Variants in NECAB3 observed in about 807,000 individuals in gnomAD.
NECAB3 encodes N-terminal EF-hand calcium-binding protein 3.
NECAB3 carries 38 observed loss-of-function variants against 57.2 expected under a neutral mutation model. That is an observed-to-expected ratio of 0.66 (90% CI 0.51 to 0.87). The LOEUF is 0.87. NECAB3 is among the 40% of genes least tolerant of loss of function. The pLI, the probability that NECAB3 is intolerant of heterozygous loss-of-function variation, is 0.00. For missense variants in NECAB3, 474 were observed against 527.5 expected (o/e 0.90, Z 0.99); for synonymous variants, 223 against 222.6 (o/e 1.00, Z -0.02).
chr20:33,658,671 T>C (rs1350190178), intron 9 of NECAB3, 51 bp downstream of exon 9: 1 of 1,600,086 alleles, frequency 6.2e-7, no homozygotes, highest in Non-Finnish European at 8.6e-7. Context: ...AGCACCCCTC[T>C]CTGCTCACCC....
intron 3 of NECAB3, chr20:33,670,256 T>G: frequency 5.5e-6 from 1 of 181,514 alleles, no homozygotes; most frequent in Non-Finnish European, 1.2e-5. Flanking sequence ...GTAACAGCGG[T>G]TCATGCGTGT....
rs1432166966 is a variant in NECAB3 at position 33,668,461 on chromosome 20, A to G, written c.387+914T>C. The G allele has an allele frequency of 5.6e-6, 3 of 538,556 alleles. No individual in the cohort carries two copies. The Admixed American group carries it at 1.1e-4, about 20-fold the overall frequency. The allele number at this position is 538,556 out of a possible 1,614,324, so 33.4% of individuals were successfully genotyped here. A position where few individuals can be genotyped will look rare whatever the true frequency, so the allele number is the denominator to read the frequency against. The stretch of plus-strand genomic sequence containing the variant: ...CTGCCAGTTCAGAGAATGCCAGTCC[A>G]GCTGCCTACCCACAGGGCCCTACTT... On this transcript the variant is annotated intron_variant, in intron 5 of 11. Transcript: ENST00000246190.
In NECAB3 at chr20:33,659,747, C is replaced by G; in HGVS notation, c.644-15G>C. 2 of 1,572,898 alleles carry G rather than the reference C, an allele frequency of 1.3e-6. No homozygotes were observed. The highest frequency in any genetic ancestry group is 2.3e-5 in the South Asian group (2 of 87,664). On this transcript the variant is annotated splice_polypyrimidine_tract_variant and intron_variant, in intron 7 of 11. Transcript: ENST00000246190. ...TGAGCTGCGCCCTGTGTGTGGGGCC[C>G]GTGCAGGGTCAGGCAGGGGCCTCTC...
chr20:33,663,731 A>AGGGCGGGGCCAGGGCAGCTCT, intron 5 of NECAB3: 1 of 1,532,890 alleles, frequency 6.5e-7, no homozygotes, highest in Non-Finnish European at 8.7e-7. Context: ...CGGCCGGAAG[A>AGGGCGGGGCCAGGGCAGCTCT]GGGCGGGGCC....
At chr20:33,664,587 T>C in intron 5 of NECAB3, 1 of 152,798 alleles carries the variant, frequency 6.5e-6, no homozygotes. Flanking sequence ...GCTCATAAGC[T>C]TTCAACAGGT....
rs372863082 is a variant in NECAB3 at position 33,660,509 on chromosome 20, C to G, written c.388-114G>C. 4.0e-4 allele frequency: 562 copies of G among 1,399,382 alleles called. 8 individuals are homozygous for G. In the East Asian group the frequency reaches 0.011, roughly 26 times the overall value. 86.7% of individuals were successfully genotyped at this position (1,399,382 alleles called of 1,614,324 possible). A position where few individuals can be genotyped will look rare whatever the true frequency, so the allele number is the denominator to read the frequency against. ...GGTGGCAGTGCCAAGAGCAGGGGCACGCAAACCTGGCACAGGCAGGAGGGT... is the reference window on the plus strand; with the variant it reads ...GGTGGCAGTGCCAAGAGCAGGGGCAGGCAAACCTGGCACAGGCAGGAGGGT... On this transcript the variant is annotated intron_variant, in intron 5 of 11. Coordinates refer to ENST00000246190, the MANE Select transcript of NECAB3 (RefSeq NM_031232.4). This position sits in a 1 kb window ranked among gnomAD's most constrained non-coding sequence, Gnocchi z 4.1.
intron 9 of NECAB3, 70 bp downstream of exon 9, chr20:33,658,652 G>A (rs905322932): frequency 1.3e-6 from 2 of 1,594,466 alleles, no homozygotes; most frequent in African/African-American, 2.7e-5. Flanking sequence ...ACCCAGGATG[G>A]CCAGCCCCAG....
chr20:33,663,425 G>A (rs1428648209), intron 5 of NECAB3: 9 of 1,229,500 alleles, frequency 7.3e-6, no homozygotes, highest in Non-Finnish European at 9.9e-6. Context: ...CCGGGTGGAC[G>A]ACAGGACCCG....
At chr20:33,672,323 C>T in intron 2 of NECAB3, 75 bp downstream of exon 2, 2 of 1,576,036 alleles carry the variant, frequency 1.3e-6, no homozygotes, top group South Asian at 1.1e-5. Context: ...CCCACCCAAC[C>T]TCCCAACTCT....
At position 33,657,859 on chromosome 20, in the gene NECAB3, TGGGGGTCAGAGGCA is replaced by T; in HGVS notation, c.1163-16_1163-3del. The stretch of plus-strand genomic sequence containing the variant: ...TGTTATTCATTATCCACCAGGAGGC[TGGGGGTCAGAGGCA>T]GGGGGTCAGGAGCCCTCAGGAGCCC... On this transcript the variant is annotated splice_region_variant and splice_polypyrimidine_tract_variant and intron_variant, in intron 11 of 11. Coordinates refer to ENST00000246190, the MANE Select transcript of NECAB3 (RefSeq NM_031232.4). 6.5e-7 allele frequency: 1 copy of T among 1,543,808 alleles called. No homozygotes were observed. The highest frequency in any genetic ancestry group is 1.2e-5 in the South Asian group (1 of 83,236).
chr20:33,660,448 T>G lies in NECAB3; in HGVS notation c.388-53A>C. ...TCTCCCAGCCCGGGCACTGATCTCT[T>G]GAGTGGGTCCCCTGCCTCTTGCCCA... is the stretch of plus-strand genomic sequence containing the variant. On this transcript the variant is annotated intron_variant, in intron 5 of 11. Coordinates refer to ENST00000246190, the MANE Select transcript of NECAB3 (RefSeq NM_031232.4). This position sits in a 1 kb window ranked among gnomAD's most constrained non-coding sequence, Gnocchi z 4.1. 6.3e-7 allele frequency: 1 copy of G among 1,594,918 alleles called. No homozygotes were observed. The highest frequency in any genetic ancestry group is 8.6e-7 in the Non-Finnish European group (1 of 1,167,588).
intron 1 of NECAB3, 140 bp downstream of exon 1, chr20:33,674,084 G>T: frequency 1.1e-6 from 1 of 928,224 alleles, no homozygotes; most frequent in Non-Finnish European, 1.4e-6. Flanking sequence ...CACAAGGGCA[G>T]AAAGGTCAAG....
In NECAB3 at chr20:33,657,856, G is replaced by T. The variant is rs1200804360; in HGVS notation, c.1164C>A (p.Ala388=). ...PDTLTTVFFP[A]SWWIMNNN is the part of the protein sequence containing the mutation. ...AGTTGTTATTCATTATCCACCAGGA[G>T]GCTGGGGGTCAGAGGCAGGGGGTCA... is the stretch of plus-strand genomic sequence containing the variant. Residue 388 remains alanine (A), a splice_region_variant and synonymous_variant, in exon 12 of 12, where the codon GCC becomes GCA. Transcript: ENST00000246190. 8.4e-6 allele frequency: 13 copies of T among 1,543,714 alleles called. No individual in the cohort carries two copies. Among genetic ancestry groups the T allele is most frequent in the African/African-American group, 1.4e-5 (1 of 73,024 alleles).
intron 5 of NECAB3, chr20:33,663,767 T>G (rs751530722): frequency 6.5e-6 from 9 of 1,389,248 alleles, no homozygotes; most frequent in Non-Finnish European, 8.4e-6. Flanking sequence ...TGGCCGCGGC[T>G]GCTCTCGCGC....
intron 1 of NECAB3, 117 bp downstream of exon 1, chr20:33,674,107 G>T: frequency 9.3e-7 from 1 of 1,075,698 alleles, no homozygotes; most frequent in Non-Finnish European, 1.2e-6. Context: ...AAAACAGCAG[G>T]GCCAGAGAGA....
intron 5 of NECAB3, chr20:33,668,257 T>A (rs759492061): frequency 3.9e-6 from 6 of 1,552,168 alleles, no homozygotes; most frequent in Non-Finnish European, 8.7e-7. Context: ...CTGGGGGGGG[T>A]GGCACTGCGT....
intron 5 of NECAB3, chr20:33,664,213 G>T (rs1568897194): frequency 1.8e-5 from 5 of 280,240 alleles, no homozygotes; most frequent in Non-Finnish European, 2.6e-5. Context: ...GGCCACGCTA[G>T]TGAGAGGGAC....
chr20:33,668,034 G>C (rs1212130184), intron 5 of NECAB3: 1 of 1,548,922 alleles, frequency 6.5e-7, no homozygotes. Context: ...CCGAGCGCCT[G>C]GACAAGGAGC....
chr20:33,672,496 G>A (rs1230777843), intron 1 of NECAB3, 74 bp from the exon 2 acceptor site: 8 of 1,591,608 alleles, frequency 5.0e-6, no homozygotes, highest in South Asian at 3.3e-5. Flanking sequence ...CAACCCGACA[G>A]GGTCCCAGCT....
Sources: gnomAD v4.1 joint callset for allele counts on GRCh38, gnomAD v4.1.1 for gene constraint, Gnocchi (gnomAD v3.1) non-coding constraint, MANE v1.5 for transcripts, NCBI Gene and HGNC (gene_info 2026-07-23, HGNC 2026-07-21) for gene names.